VPS36: variants seen among roughly 807,000 people sequenced by gnomAD.
The protein encoded by VPS36 is vacuolar protein sorting 36 homolog, also known as vacuolar protein-sorting-associated protein 36.
VPS36 carries 31 observed loss-of-function variants against 63.5 expected under a neutral mutation model. The observed-to-expected ratio is 0.49, with a 90% CI of 0.37 to 0.66. The LOEUF (loss-of-function observed/expected upper bound fraction) is 0.66. Ranked by LOEUF, VPS36 falls within the 30% of genes least tolerant of loss-of-function variation. The probability of loss-of-function intolerance (pLI) is 0.00; values close to 1 mark genes in which losing one functional copy is unlikely to be tolerated. For synonymous variants in VPS36, 138 were observed against 157.2 expected, an observed-to-expected ratio of 0.88 and a Z score of 0.91; for missense variants, 338 against 463.7, an observed-to-expected ratio of 0.73 and a Z score of 2.49.
At chr13:52,432,624 G>A (rs1958171243) in intron 6 of VPS36, among the ~76,000 whole-genome samples, 2 of 152,316 alleles carry the variant, frequency 1.3e-5, no homozygotes, top group South Asian at 4.1e-4. Context: ...CTGCTAACAT[G>A]ACAGAGATAA....
In VPS36 at chr13:52,417,134, C is replaced by A. The variant is rs1449138233; in HGVS notation, c.913G>T (p.Val305Leu). 6.2e-7 allele frequency: 1 copy of A among 1,613,990 alleles called. No individual in the cohort carries two copies. The highest frequency in any genetic ancestry group is 2.2e-5 in the East Asian group (1 of 44,876). The change falls in exon 12 of 14, where the codon GTG (valine) becomes TTG (leucine). Residue 305 changes from valine (V) to leucine (L), a missense_variant. Coordinates refer to ENST00000378060, the MANE Select transcript of VPS36 (RefSeq NM_016075.4). ...ATTACCATGACGCCACTGTCAAACA[C>A]ACGGAGCCTGAAAACCACAGGTGCG... ...EALKLPLRLR[V>L]FDSGVMVIEL...
At chr13:52,449,813 G>A (rs9536076) in intron 1 of VPS36, 25,417 of 558,250 alleles carry the variant, frequency 0.046, 654 homozygotes, top group South Asian at 0.064. Flanking sequence ...ACAAGGCACG[G>A]TCTACTATTA....
At chr13:52,419,457 C>A (rs576820376) in intron 10 of VPS36, among the ~76,000 whole-genome samples, 1 of 152,120 alleles carries the variant, frequency 6.6e-6, no homozygotes, top group Non-Finnish European at 1.5e-5. Context: ...TTCATTCAGT[C>A]CAAGCCCTTA....
Position 52,424,189 on chromosome 13 carries a change from A to G in VPS36, c.775-550T>C, listed in dbSNP as rs536081296. 1.2e-4 allele frequency among the ~76,000 whole-genome samples: 18 copies of G among 152,056 alleles called. No individual in the cohort carries two copies. In the East Asian group the frequency reaches 2.3e-3, roughly 20 times the overall value. ...TACCATTTTAACATTTACTTAAATG[A>G]AAAAAGGGGCTCTACACCATGTTTC... On this transcript the variant is annotated intron_variant, in intron 9 of 13. Transcript: ENST00000378060.
chr13:52,422,189 TCG>T (rs1173545595), intron 10 of VPS36, among the ~76,000 whole-genome samples: 1 of 152,138 alleles, frequency 6.6e-6, no homozygotes, highest in Non-Finnish European at 1.5e-5. Flanking sequence ...CTTTTTTAGC[TCG>T]CACATGAGTG....
At chr13:52,435,801 A>G (rs989542842) in intron 4 of VPS36, 2 of 152,344 alleles carry the variant, frequency 1.3e-5, no homozygotes, top group African/African-American at 4.8e-5. Flanking sequence ...ACTTCTAATT[A>G]TCTTAAGAAT....
intron 2 of VPS36, among the ~76,000 whole-genome samples, chr13:52,440,000 A>C (rs1006582600): frequency 4.7e-5 from 7 of 147,936 alleles, no homozygotes; most frequent in Non-Finnish European, 1.0e-4. Flanking sequence ...TTTTTTTGAG[A>C]TGGAGTCTCG....
In VPS36 at chr13:52,433,722, A is replaced by G. The variant is rs774395812; in HGVS notation, c.468T>C (p.Ile156=). The part of the protein sequence containing the change: ...PQPGRIRAVG[I]VGIERKLEEK... ...CTTCCAGTTTCCTTTCAATACCTAC[A>G]ATTCCTACAGCCCTTATTCTTCCTG... Residue 156 remains isoleucine (I), a synonymous_variant, in exon 6 of 14, where the codon ATT becomes ATC. Transcript: ENST00000378060. 5 of 1,613,012 alleles carry G rather than the reference A, an allele frequency of 3.1e-6. No individual in the cohort carries two copies. In the African/African-American group the frequency reaches 5.3e-5, roughly 17 times the overall value.
chr13:52,443,526 G>A (rs975042356), intron 1 of VPS36, among the ~76,000 whole-genome samples: 2 of 152,118 alleles, frequency 1.3e-5, no homozygotes, highest in Non-Finnish European at 2.9e-5. Flanking sequence ...CTGCAAGCCA[G>A]GAAGAGTGCC....
intron 1 of VPS36, among the ~76,000 whole-genome samples, chr13:52,444,163 A>G (rs1958309996): frequency 6.6e-6 from 1 of 152,252 alleles, no homozygotes; most frequent in Admixed American, 6.5e-5. Context: ...TTAAAATAAT[A>G]TGTTAAAAAT....
Position 52,412,759 on chromosome 13 carries a change from C to G in VPS36, c.*3071G>C, listed in dbSNP as rs997314702. On this transcript the variant is annotated 3_prime_UTR_variant, in exon 14 of 14. Coordinates refer to ENST00000378060, the MANE Select transcript of VPS36 (RefSeq NM_016075.4). ...TTGTGTCCAGGCCCTGTTCTCAGCTCTTAGAATACATCCATGAACAAACCA... is the reference window on the plus strand; with the variant it reads ...TTGTGTCCAGGCCCTGTTCTCAGCTGTTAGAATACATCCATGAACAAACCA... 1 of 152,140 alleles carries G rather than the reference C, an allele frequency of 6.6e-6. No individual in the cohort carries two copies. Among genetic ancestry groups the G allele is most frequent in the Non-Finnish European group, 1.5e-5 (1 of 68,026 alleles). The allele number at this position is 152,140 out of a possible 1,614,324, so 9.4% of individuals were successfully genotyped here. A position where few individuals can be genotyped will look rare whatever the true frequency, so the allele number is the denominator to read the frequency against.
intron 10 of VPS36, among the ~76,000 whole-genome samples, chr13:52,422,213 T>C (rs1255903081): frequency 1.3e-5 from 2 of 152,160 alleles, no homozygotes; most frequent in Non-Finnish European, 2.9e-5. Context: ...GAACATGCAA[T>C]ATTTGTCTTT....
rs2137802103 is a variant in VPS36 at position 52,439,091 on chromosome 13, G to A, written c.236+7C>T. The A allele has an allele frequency of 6.2e-7, 1 of 1,613,264 alleles. No homozygotes were observed. The highest frequency in any genetic ancestry group is 8.5e-7 in the Non-Finnish European group (1 of 1,179,636). ...GTGAATAAAGACTGTGCTATACACAGACTTACCTCTTCCCAATTCCAGCCG... is the reference window on the plus strand; with the variant it reads ...GTGAATAAAGACTGTGCTATACACAAACTTACCTCTTCCCAATTCCAGCCG... On this transcript the variant is annotated splice_region_variant and intron_variant, in intron 3 of 13. Coordinates refer to ENST00000378060, the MANE Select transcript of VPS36 (RefSeq NM_016075.4).
At chr13:52,420,527 T>C (rs984677716) in intron 10 of VPS36, among the ~76,000 whole-genome samples, 2 of 151,530 alleles carry the variant, frequency 1.3e-5, no homozygotes, top group African/African-American at 4.8e-5. Context: ...GAGATGGGGT[T>C]TCGCCATGTT....
intron 2 of VPS36, among the ~76,000 whole-genome samples, chr13:52,439,606 C>T (rs1466098055): frequency 2.6e-5 from 4 of 151,882 alleles, no homozygotes; most frequent in Admixed American, 6.6e-5. Flanking sequence ...CCACCACGTC[C>T]GGCTAATTTT....
chr13:52,420,494 G>A (rs1022956641), intron 10 of VPS36, among the ~76,000 whole-genome samples: 8 of 151,524 alleles, frequency 5.3e-5, no homozygotes, highest in East Asian at 2.0e-4. Context: ...CACCACGCCC[G>A]GCTAATTGTT....
chr13:52,418,241 T>G (rs568796695), intron 10 of VPS36, among the ~76,000 whole-genome samples, 185 bp from the exon 11 acceptor site: 3 of 152,046 alleles, frequency 2.0e-5, no homozygotes, highest in Admixed American at 2.0e-4. Context: ...AAAATATGCA[T>G]GCCACATATG....
chr13:52,441,436 T>C (rs1006670967), intron 2 of VPS36, among the ~76,000 whole-genome samples: 3 of 152,164 alleles, frequency 2.0e-5, no homozygotes, highest in Admixed American at 2.0e-4. Flanking sequence ...ATACATATAA[T>C]TCTCCTCCTT....
At chr13:52,419,370 T>C (rs1269101894) in intron 10 of VPS36, among the ~76,000 whole-genome samples, 1 of 152,216 alleles carries the variant, frequency 6.6e-6, no homozygotes, top group Non-Finnish European at 1.5e-5. Flanking sequence ...TCAAAAGAGT[T>C]AACTATTGCA....
Sources: gnomAD v4.1 joint callset for allele counts (sites outside exome capture counted in the v4.1 genomes callset) on GRCh38, gnomAD v4.1.1 for gene constraint, MANE v1.5 for transcripts, NCBI Gene and HGNC (gene_info 2026-07-23, HGNC 2026-07-21) for gene names.